The following EEFSEC variants were observed in gnomAD, a reference collection of about 807,000 sequenced individuals.
EEFSEC encodes the protein selenocysteine-specific elongation factor.
EEFSEC carries 43 observed loss-of-function variants against 42.1 expected under a neutral mutation model. That is an observed-to-expected ratio of 1.02 (90% CI 0.80 to 1.32). The LOEUF is 1.32. Ranked by LOEUF, EEFSEC falls within the 40% of genes most tolerant of loss-of-function variation. The pLI is 0.00. For synonymous variants in EEFSEC, 354 were observed against 339.1 expected (o/e 1.04, Z -0.48); for missense variants, 745 against 803.6 (o/e 0.93, Z 0.88).
At chr3:128,406,198 C>A (rs2068108135) in intron 6 of EEFSEC, among the ~76,000 whole-genome samples, 1 of 152,246 alleles carries the variant, frequency 6.6e-6, no homozygotes, top group African/African-American at 2.4e-5. Context: ...TGGCCAGTGG[C>A]CCACATGGAG....
At chr3:128,178,436 C>T (rs1222996177) in intron 1 of EEFSEC, among the ~76,000 whole-genome samples, 1 of 152,162 alleles carries the variant, frequency 6.6e-6, no homozygotes, top group Non-Finnish European at 1.5e-5. Context: ...GACAAATTAT[C>T]ATGTGAATAT....
chr3:128,275,145 GGACCTC>G (rs2066454915), intron 4 of EEFSEC, among the ~76,000 whole-genome samples: 5 of 152,218 alleles, frequency 3.3e-5, no homozygotes, highest in Admixed American at 2.0e-4. Context: ...AGGACTGGCA[GGACCTC>G]GATACTGGGG....
intron 6 of EEFSEC, among the ~76,000 whole-genome samples, chr3:128,387,594 CCTCAG>C (rs1162267338): frequency 1.3e-5 from 2 of 152,112 alleles, no homozygotes; most frequent in African/African-American, 4.8e-5. Flanking sequence ...GCTGGCCTCT[CCTCAG>C]CTCAGCCCAG....
At chr3:128,404,063 C>T (rs1559961482) in intron 6 of EEFSEC, among the ~76,000 whole-genome samples, 1 of 152,212 alleles carries the variant, frequency 6.6e-6, no homozygotes, top group South Asian at 2.1e-4. Flanking sequence ...GAGTGGGACC[C>T]GCAGAGTCTG....
At chr3:128,326,107 C>T (rs1347904974) in intron 4 of EEFSEC, among the ~76,000 whole-genome samples, 1 of 152,192 alleles carries the variant, frequency 6.6e-6, no homozygotes, top group Non-Finnish European at 1.5e-5. Flanking sequence ...GGGATAGAAG[C>T]ATGAGGGGTT....
At chr3:128,412,990 T>C (rs1256900305), downstream of EEFSEC, among the ~76,000 whole-genome samples, 1 of 152,012 alleles carries the variant, frequency 6.6e-6, no homozygotes, top group Admixed American at 6.5e-5. Flanking sequence ...GGCAGGGGGA[T>C]GGGGCATGGT....
At chr3:128,177,385 A>G (rs1385384743) in intron 1 of EEFSEC, among the ~76,000 whole-genome samples, 1 of 145,132 alleles carries the variant, frequency 6.9e-6, no homozygotes, top group Non-Finnish European at 1.5e-5. Flanking sequence ...AATTGGAGAA[A>G]TAGTGACACC....
chr3:128,409,478 C>T (rs1051375203), downstream of EEFSEC, among the ~76,000 whole-genome samples: 7 of 152,140 alleles, frequency 4.6e-5, no homozygotes, highest in African/African-American at 1.2e-4. Flanking sequence ...CCAGCGATGG[C>T]GACTGGCCCA....
At chr3:128,245,272 A>G (rs2066115523) in intron 1 of EEFSEC, among the ~76,000 whole-genome samples, 1 of 152,084 alleles carries the variant, frequency 6.6e-6, no homozygotes. Context: ...TCCAGAGGAG[A>G]GTTGGTAATT....
At chr3:128,287,756 A>G (rs2066601450) in intron 4 of EEFSEC, among the ~76,000 whole-genome samples, 1 of 152,266 alleles carries the variant, frequency 6.6e-6, no homozygotes, top group Admixed American at 6.5e-5. Flanking sequence ...AATTGTTAAA[A>G]AAATAGGTAA....
chr3:128,228,489 G>A (rs938180579), intron 1 of EEFSEC, among the ~76,000 whole-genome samples: 1 of 152,116 alleles, frequency 6.6e-6, no homozygotes, highest in Admixed American at 6.5e-5. Context: ...AGGAGATGGG[G>A]GTGGTGGGTG....
At chr3:128,324,719 C>A (rs2067045565) in intron 4 of EEFSEC, among the ~76,000 whole-genome samples, 1 of 152,244 alleles carries the variant, frequency 6.6e-6, no homozygotes, top group African/African-American at 2.4e-5. Flanking sequence ...TTTGCATGGT[C>A]TGGCTGTACC....
chr3:128,365,655 A>C (rs1318106900), intron 6 of EEFSEC, among the ~76,000 whole-genome samples: 1 of 151,822 alleles, frequency 6.6e-6, no homozygotes, highest in Non-Finnish European at 1.5e-5. Context: ...CCTCCCACCC[A>C]TGCCCTGTCC....
Position 128,246,901 on chromosome 3 carries a change from G to C in EEFSEC, c.382G>C (p.Ala128Pro). 1 of 1,614,216 alleles carries C rather than the reference G, an allele frequency of 6.2e-7. No homozygotes were observed. Residue 128 changes from alanine (A) to proline (P), a missense_variant, in exon 2 of 7, where the codon GCG (alanine) becomes CCG (proline). By Grantham distance (27) the Ala-to-Pro change is conservative. Coordinates refer to ENST00000254730, the MANE Select transcript of EEFSEC (RefSeq NM_021937.5). Reference protein sequence around the residue: ...DVTKGMQTQSAECLVIGQIAC... With the variant: ...DVTKGMQTQSPECLVIGQIAC... ...GACCAAGGGGATGCAGACCCAGTCA[G>C]CGGAATGCCTTGTGATCGGCCAGAT...
chr3:128,191,205 T>C (rs1340644301), intron 1 of EEFSEC, among the ~76,000 whole-genome samples: 1 of 152,264 alleles, frequency 6.6e-6, no homozygotes, highest in African/African-American at 2.4e-5. Context: ...AATATTGCCA[T>C]GTCGTGGTTT....
chr3:128,159,463 A>G (rs1169313332), intron 1 of EEFSEC, among the ~76,000 whole-genome samples: 1 of 152,202 alleles, frequency 6.6e-6, no homozygotes, highest in Non-Finnish European at 1.5e-5. Flanking sequence ...TTCTCTGCAC[A>G]GTGGGCATTG....
chr3:128,273,534 C>T (rs981736274), intron 4 of EEFSEC, among the ~76,000 whole-genome samples: 4 of 152,222 alleles, frequency 2.6e-5, no homozygotes, highest in African/African-American at 4.8e-5. Flanking sequence ...CCTTTTCCAT[C>T]AGGCCCCTGA....
At chr3:128,351,360 A>G (rs1373054629) in intron 5 of EEFSEC, among the ~76,000 whole-genome samples, 1 of 152,208 alleles carries the variant, frequency 6.6e-6, no homozygotes, top group Non-Finnish European at 1.5e-5. Flanking sequence ...AGGTGTTATC[A>G]TCAACATCAA....
intron 1 of EEFSEC, among the ~76,000 whole-genome samples, chr3:128,207,902 G>A (rs1278838751): frequency 1.3e-5 from 2 of 152,172 alleles, no homozygotes; most frequent in Admixed American, 1.3e-4. Context: ...TCTGACTTCA[G>A]GGCTTATTGT....
Sources: gnomAD v4.1 joint callset for allele counts (sites outside exome capture counted in the v4.1 genomes callset) on GRCh38, gnomAD v4.1.1 for gene constraint, MANE v1.5 for transcripts, NCBI Gene and HGNC (gene_info 2026-07-23, HGNC 2026-07-21) for gene names.